Variants in OR9Q1 observed in about 807,000 individuals in gnomAD.
The protein encoded by OR9Q1 is olfactory receptor family 9 subfamily Q member 1.
For missense variants in OR9Q1, 374 were observed against 378.8 expected (o/e 0.99, Z 0.11); for synonymous variants, 153 against 148.6 (o/e 1.03, Z -0.22).
intron 2 of OR9Q1, among the ~76,000 whole-genome samples, chr11:58,166,398 G>A (rs1854505120): frequency 6.6e-6 from 1 of 151,998 alleles, no homozygotes; most frequent in Non-Finnish European, 1.5e-5. Flanking sequence ...TTTACTTTTT[G>A]TATTTCAACA....
intron 2 of OR9Q1, among the ~76,000 whole-genome samples, chr11:58,088,345 G>A (rs1853653060): frequency 6.6e-6 from 1 of 151,894 alleles, no homozygotes; most frequent in Non-Finnish European, 1.5e-5. Flanking sequence ...CCAGTAATGG[G>A]ATTGCTGGGT....
chr11:58,180,275 C>T lies in OR9Q1; in HGVS notation c.831C>T (p.Tyr277=). ...AGAATCGGGTAGTGTCTGTGCTTTA[C>T]ACAGAGGTCATCCCCATGTTGAATC... ...SEKNRVVSVL[Y]TEVIPMLNPL... The change falls in exon 3 of 3, where the codon TAC becomes TAT. Residue 277 remains tyrosine, a synonymous_variant. Coordinates refer to ENST00000335397, the MANE Select transcript of OR9Q1 (RefSeq NM_001005212.4). 1 of 1,614,010 alleles carries T rather than the reference C, an allele frequency of 6.2e-7. No individual in the cohort carries two copies. The highest frequency in any genetic ancestry group is 8.5e-7 in the Non-Finnish European group (1 of 1,179,908).
chr11:58,065,100 G>A (rs1160338233), intron 2 of OR9Q1, among the ~76,000 whole-genome samples: 2 of 152,122 alleles, frequency 1.3e-5, no homozygotes, highest in Non-Finnish European at 2.9e-5. Flanking sequence ...ACAAACTCAG[G>A]CAGACACCTG....
At chr11:58,102,584 AG>A (rs1473154519) in intron 2 of OR9Q1, among the ~76,000 whole-genome samples, 2 of 150,176 alleles carry the variant, frequency 1.3e-5, no homozygotes, top group Non-Finnish European at 3.0e-5. Flanking sequence ...CAGCATTTTG[AG>A]TATATCATTT....
At chr11:58,068,105 G>A (rs1218705041) in intron 2 of OR9Q1, among the ~76,000 whole-genome samples, 2 of 152,038 alleles carry the variant, frequency 1.3e-5, no homozygotes, top group Admixed American at 6.5e-5. Context: ...TTGGGAGGCC[G>A]AGGTGGGTGG....
intron 2 of OR9Q1, among the ~76,000 whole-genome samples, chr11:58,099,776 CT>C (rs1181610559): frequency 2.0e-5 from 3 of 152,092 alleles, no homozygotes. Context: ...CACATTTTCT[CT>C]TTGTTTTCTT....
At chr11:58,158,704 T>C (rs1055472581) in intron 2 of OR9Q1, among the ~76,000 whole-genome samples, 1 of 152,166 alleles carries the variant, frequency 6.6e-6, no homozygotes, top group Non-Finnish European at 1.5e-5. Flanking sequence ...TGACTCAAGA[T>C]GGGCTAGTTT....
intron 2 of OR9Q1, among the ~76,000 whole-genome samples, chr11:58,092,432 A>G (rs1004518150): frequency 3.3e-5 from 5 of 152,010 alleles, no homozygotes; most frequent in Non-Finnish European, 7.4e-5. Context: ...TAATTTTATA[A>G]GACATAATAA....
At chr11:58,157,052 G>A (rs771137944) in intron 2 of OR9Q1, among the ~76,000 whole-genome samples, 12 of 152,176 alleles carry the variant, frequency 7.9e-5, no homozygotes, top group Non-Finnish European at 1.8e-4. Context: ...CCAAAATCCT[G>A]AACCTGGCTT....
Position 58,153,594 on chromosome 11 carries a change from T to A in OR9Q1, c.-14-25837T>A, listed in dbSNP as rs564718800. ...TCCAAGAGAAATTTGAAAGTGAATT[T>A]AAAAAATGGAAAGTTTATTGATTTT... On this transcript the variant is annotated intron_variant, in intron 2 of 2. Coordinates refer to ENST00000335397, the MANE Select transcript of OR9Q1 (RefSeq NM_001005212.4). Among the ~76,000 whole-genome samples, 46 of 152,084 alleles carry A rather than the reference T, an allele frequency of 3.0e-4. No individual in the cohort carries two copies. In the East Asian group the frequency reaches 7.5e-3, roughly 25 times the overall value.
chr11:58,117,515 G>A (rs757580337), intron 2 of OR9Q1: 2 of 152,148 alleles, frequency 1.3e-5, no homozygotes, highest in Non-Finnish European at 2.9e-5. Context: ...AAAAGGCTTT[G>A]GACTCAATAG....
rs544322250 is a variant in OR9Q1 at position 58,147,224 on chromosome 11, T to C, written c.-14-32207T>C. ...TGGCAAAGTGGCAAAATTAGGGAAA[T>C]ATGTTTTTGGTGATGCCCACCTTTT... On this transcript the variant is annotated intron_variant, in intron 2 of 2. Transcript: ENST00000335397. Among the ~76,000 whole-genome samples, 394 of 152,232 alleles carry C rather than the reference T, an allele frequency of 2.6e-3. 2 individuals carry two copies. Among genetic ancestry groups the C allele is most frequent in the African/African-American group, 9.2e-3 (382 of 41,544 alleles).
chr11:58,169,598 T>C (rs909640598), intron 2 of OR9Q1, among the ~76,000 whole-genome samples: 10 of 152,192 alleles, frequency 6.6e-5, no homozygotes, highest in African/African-American at 2.2e-4. Flanking sequence ...CCACTGAAGG[T>C]AAAATGAACC....
At chr11:58,166,729 CG>C (rs762803154) in intron 2 of OR9Q1, among the ~76,000 whole-genome samples, 42 of 151,992 alleles carry the variant, frequency 2.8e-4, no homozygotes, top group Non-Finnish European at 5.3e-4. Context: ...CTGTGGACTG[CG>C]GGAAACATTT....
intron 2 of OR9Q1, among the ~76,000 whole-genome samples, chr11:58,104,195 A>G (rs2120092934): frequency 6.6e-6 from 1 of 152,310 alleles, no homozygotes; most frequent in South Asian, 2.1e-4. Context: ...ATATATACTG[A>G]GTAAAACTAA....
intron 2 of OR9Q1, among the ~76,000 whole-genome samples, chr11:58,172,573 G>A (rs563579666): frequency 7.9e-5 from 12 of 152,224 alleles, no homozygotes; most frequent in Admixed American, 2.0e-4. Flanking sequence ...AAAATACCAA[G>A]AGATTTTACA....
At chr11:58,144,018 A>ATCTTT (rs1421107866) in intron 2 of OR9Q1, among the ~76,000 whole-genome samples, 3 of 152,082 alleles carry the variant, frequency 2.0e-5, no homozygotes, top group Admixed American at 2.0e-4. Flanking sequence ...GCCTTAATTT[A>ATCTTT]TCTTTTATTT....
At chr11:58,122,818 ATATT>A (rs1342255430) in intron 2 of OR9Q1, among the ~76,000 whole-genome samples, 1 of 151,990 alleles carries the variant, frequency 6.6e-6, no homozygotes, top group Non-Finnish European at 1.5e-5. Flanking sequence ...TATTCTTTTC[ATATT>A]TATTTAGAAA....
At chr11:58,123,554 T>A (rs1183892874) in intron 2 of OR9Q1, among the ~76,000 whole-genome samples, 1 of 152,178 alleles carries the variant, frequency 6.6e-6, no homozygotes, top group Non-Finnish European at 1.5e-5. Flanking sequence ...TAGTCCTTCC[T>A]GAAGCCCTCC....
Sources: gnomAD v4.1 joint callset for allele counts (sites outside exome capture counted in the v4.1 genomes callset) on GRCh38, gnomAD v4.1.1 for gene constraint, MANE v1.5 for transcripts, NCBI Gene and HGNC (gene_info 2026-07-23, HGNC 2026-07-21) for gene names.